TNNT1: variants seen among roughly 807,000 people sequenced by gnomAD.
TNNT1 encodes troponin T, slow skeletal muscle.
TNNT1 carries 53 observed loss-of-function variants against 50.6 expected under a neutral mutation model. The ratio of observed to expected loss-of-function variants is 1.05; its 90% CI spans 0.84 to 1.32. TNNT1 has a LOEUF of 1.32. TNNT1 is among the 40% of genes most tolerant of loss of function. TNNT1 has a pLI of 0.00. For synonymous variants in TNNT1, 142 were observed against 138.0 expected, an observed-to-expected ratio of 1.03 and a Z score of -0.20; for missense variants, 348 against 381.7, an observed-to-expected ratio of 0.91 and a Z score of 0.74.
rs375401299 is a variant in TNNT1 at position 55,145,804 on chromosome 19, G to A, written c.107-239C>T. 4.6e-5 allele frequency among the ~76,000 whole-genome samples: 7 copies of A among 151,718 alleles called. No individual in the cohort carries two copies. In the East Asian group the frequency reaches 1.4e-3, roughly 30 times the overall value. On this transcript the variant is annotated intron_variant, in intron 5 of 13. Coordinates refer to ENST00000588981, the MANE Select transcript of TNNT1 (RefSeq NM_003283.6). ...TCAGATATACATTCAGAACTGGTGT[G>A]GGGACCCCCCACCCCCACTGTCTGC...
chr19:55,138,089 G>A lies in TNNT1; in HGVS notation c.388-15C>T. 1.2e-6 allele frequency: 2 copies of A among 1,614,056 alleles called. No individual in the cohort carries two copies. Among genetic ancestry groups the A allele is most frequent in the Non-Finnish European group, 1.7e-6 (2 of 1,180,000 alleles). On this transcript the variant is annotated splice_polypyrimidine_tract_variant and intron_variant, in intron 9 of 13. Transcript: ENST00000588981. ...ATCTTCTCCTCCTGTGGGAAGTAAGGGGTTAACCTCATGGACTCCCCTGTA... is the reference window on the plus strand; with the variant it reads ...ATCTTCTCCTCCTGTGGGAAGTAAGAGGTTAACCTCATGGACTCCCCTGTA...
At position 55,141,295 on chromosome 19, in the gene TNNT1, T is replaced by G. The variant is rs1555858107; in HGVS notation, c.200A>C (p.His67Pro). Residue 67 changes from histidine (H) to proline (P), a missense_variant, in exon 8 of 14, where the codon CAC becomes CCC. By Grantham distance (77) the His-to-Pro change is moderately conservative. Around this residue, in one of 3 missense-constraint regions of TNNT1, gnomAD observed 253 missense variants for 291.8 expected, o/e 0.87. Coordinates refer to ENST00000588981, the MANE Select transcript of TNNT1 (RefSeq NM_003283.6). ...EGERVDFDDI[H>P]RKRMEKDLLE... ...CAGGTCTTTCTCCATGCGCTTGCGGTGGATGTCCTGCAGGACACACGGGCA... is the reference window on the plus strand; with the variant it reads ...CAGGTCTTTCTCCATGCGCTTGCGGGGGATGTCCTGCAGGACACACGGGCA... The G allele has an allele frequency of 6.2e-7, 1 of 1,614,000 alleles. No homozygotes were observed. Among genetic ancestry groups the G allele is most frequent in the Middle Eastern group, 1.6e-4 (1 of 6,062 alleles).
chr19:55,139,001 CT>C (rs1205319746), intron 9 of TNNT1, among the ~76,000 whole-genome samples: 1 of 152,064 alleles, frequency 6.6e-6, no homozygotes, highest in Non-Finnish European at 1.5e-5. Context: ...AATTAGTTTC[CT>C]TTCTGTTTTT....
In TNNT1 at chr19:55,132,810, A is replaced by G; in HGVS notation, c.*105T>C. The G allele has an allele frequency of 1.9e-6, 2 of 1,073,674 alleles. No homozygotes were observed. The highest frequency in any genetic ancestry group is 2.8e-6 in the Non-Finnish European group (2 of 711,982). 66.5% of individuals were successfully genotyped at this position (1,073,674 alleles called of 1,614,324 possible). On this transcript the variant is annotated 3_prime_UTR_variant, in exon 14 of 14. Transcript: ENST00000588981. ...AGACCAGCTGCATCTCAACCATAAT[A>G]ACATCAGAGAACCCAGCGGGTGTCT... is the stretch of plus-strand genomic sequence containing the variant.
chr19:55,143,180 A>AG (rs2147260122), intron 6 of TNNT1, among the ~76,000 whole-genome samples: 1 of 151,266 alleles, frequency 6.6e-6, no homozygotes. Flanking sequence ...AAAAAAAAAA[A>AG]AAAGAGATGG....
At position 55,140,897 on chromosome 19, in the gene TNNT1, G is replaced by T. The variant is rs1025491065; in HGVS notation, c.373C>A (p.Gln125Lys). The T allele has an allele frequency of 6.2e-7, 1 of 1,613,724 alleles. No individual in the cohort carries two copies. The highest frequency in any genetic ancestry group is 1.7e-5 in the Admixed American group (1 of 60,014). The change falls in exon 9 of 14, where the codon CAG becomes AAG. Residue 125 changes from glutamine (Q) to lysine (K), a missense_variant. Physicochemically the swap from Gln to Lys is moderately conservative, Grantham distance 53. This residue lies in a region of TNNT1 where 253 missense variants were observed against 291.8 expected (regional missense o/e 0.87). Coordinates refer to ENST00000588981, the MANE Select transcript of TNNT1 (RefSeq NM_003283.6). ...RFRTEKERERQAKLAEEKMRK... is the reference protein window; with the variant it reads ...RFRTEKERERKAKLAEEKMRK... ...GAGGCACCCACCGCCAGCTTAGCCT[G>T]ACGTTCGCGTTCCTTCTCAGTTCTG...
chr19:55,147,558 TGGGGGCC>T (rs2085593592), intron 1 of TNNT1, among the ~76,000 whole-genome samples: 10 of 7,296 alleles, frequency 1.4e-3, no homozygotes, highest in African/African-American at 2.2e-3. Flanking sequence ...GAGGAGGGGC[TGGGGGCC>T]GGATTCCTGG....
At chr19:55,133,239 G>A (rs936881751) in intron 13 of TNNT1, among the ~76,000 whole-genome samples, 3 of 152,044 alleles carry the variant, frequency 2.0e-5, no homozygotes, top group Admixed American at 6.6e-5. Flanking sequence ...GGCCAGGGTG[G>A]GGGGAGGAAG....
rs1381579781 is a variant in TNNT1 at position 55,133,928 on chromosome 19, C to A, written c.751-1G>T. ...TGATGCGGTTGTACAGCACGTTGAT[C>A]TGCGGAGGCAGAAGACAGATGCTGG... On this transcript the variant is annotated splice_acceptor_variant, in intron 12 of 13. Coordinates refer to ENST00000588981, the MANE Select transcript of TNNT1 (RefSeq NM_003283.6). LOFTEE classifies it high-confidence loss of function. The A allele has an allele frequency of 6.2e-7, 1 of 1,613,538 alleles. No homozygotes were observed. The highest frequency in any genetic ancestry group is 1.7e-5 in the Admixed American group (1 of 59,994).
intron 2 of TNNT1, 31 bp downstream of exon 2, chr19:55,147,095 A>C (rs777574657): frequency 3.7e-6 from 6 of 1,613,408 alleles, no homozygotes; most frequent in Non-Finnish European, 4.2e-6. Context: ...CCACCACTGC[A>C]CGCCCCAACC....
chr19:55,142,411 G>A (rs575734656), intron 6 of TNNT1, among the ~76,000 whole-genome samples: 7 of 151,958 alleles, frequency 4.6e-5, no homozygotes, highest in Non-Finnish European at 1.0e-4. Context: ...GTGAGCCACC[G>A]CGCCCGGCAC....
chr19:55,137,071 C>T (rs1444725054), intron 11 of TNNT1, 32 bp downstream of exon 11: 4 of 1,149,532 alleles, frequency 3.5e-6, no homozygotes, highest in Non-Finnish European at 5.2e-6. Context: ...CACACCCAGG[C>T]CCCTACACCC....
intron 9 of TNNT1, among the ~76,000 whole-genome samples, chr19:55,140,270 G>C (rs939511278): frequency 6.6e-6 from 1 of 151,904 alleles, no homozygotes; most frequent in African/African-American, 2.4e-5. Flanking sequence ...GACCAGCCTG[G>C]ACAACATGGC....
At chr19:55,143,409 G>T (rs1313919969) in intron 6 of TNNT1, among the ~76,000 whole-genome samples, 5 of 152,114 alleles carry the variant, frequency 3.3e-5, no homozygotes, top group Non-Finnish European at 5.9e-5. Context: ...CACTTCCTTG[G>T]AATTCTCTTT....
At chr19:55,136,815 C>T (rs993389291) in intron 11 of TNNT1, among the ~76,000 whole-genome samples, 6 of 152,148 alleles carry the variant, frequency 3.9e-5, no homozygotes, top group Admixed American at 6.5e-5. Flanking sequence ...AGGCACATCA[C>T]GGAGTTAACA....
intron 5 of TNNT1, among the ~76,000 whole-genome samples, chr19:55,145,975 G>GCCCACCGC (rs138899769): frequency 4.9e-5 from 6 of 123,590 alleles, no homozygotes; most frequent in Non-Finnish European, 8.9e-5. Context: ...CTCGCCCCCT[G>GCCCACCGC]CCCACCGCCC....
In TNNT1 at chr19:55,146,707, T is replaced by A; in HGVS notation, c.47A>T (p.Glu16Val). ...EQEYEEEQPE[E>V]EAAEEEEEAP... ...TTCCTCCTCCTCCTCCGCAGCCTCC[T>A]CTGGAGATGGGGGCACAGAAGAGAA... Residue 16 changes from glutamate (E) to valine (V), a missense_variant and splice_region_variant, in exon 4 of 14, where the codon GAG (glutamate) becomes GTG (valine). Physicochemically the swap from Glu to Val is moderately radical, Grantham distance 121. This residue lies in a region of TNNT1 where 90 missense variants were observed against 70.8 expected (regional missense o/e 1.27). Coordinates refer to ENST00000588981, the MANE Select transcript of TNNT1 (RefSeq NM_003283.6). The A allele has an allele frequency of 6.7e-7, 1 of 1,491,644 alleles. No homozygotes were observed. The highest frequency in any genetic ancestry group is 8.9e-7 in the Non-Finnish European group (1 of 1,117,478). 92.4% of individuals were successfully genotyped at this position (1,491,644 alleles called of 1,614,324 possible). A position where few individuals can be genotyped will look rare whatever the true frequency, so the allele number is the denominator to read the frequency against.
intron 11 of TNNT1, among the ~76,000 whole-genome samples, chr19:55,135,196 TC>T (rs140035930): frequency 0.049 from 7,438 of 152,140 alleles, 531 homozygotes; most frequent in African/African-American, 0.15. Flanking sequence ...GTGGCTCTTC[TC>T]TTGCGTCTTC....
At position 55,137,986 on chromosome 19, in the gene TNNT1, G is replaced by A; in HGVS notation, c.476C>T (p.Ala159Val). 6.2e-7 allele frequency: 1 copy of A among 1,614,170 alleles called. No homozygotes were observed. Among genetic ancestry groups the A allele is most frequent in the Non-Finnish European group, 8.5e-7 (1 of 1,180,022 alleles). The change falls in exon 10 of 14, where the codon GCC (alanine) becomes GTC (valine). Residue 159 changes from alanine (A) to valine (V), a missense_variant. Transcript: ENST00000588981. ...CTTGACCAGGTAGCCGCCAAAATGG[G>A]CCCCCATGTTGGACAGCACCTTCTT... is the stretch of plus-strand genomic sequence containing the variant. ...KKKKVLSNMG[A>V]HFGGYLVKAE...
Sources: gnomAD v4.1 joint callset for allele counts (sites outside exome capture counted in the v4.1 genomes callset) on GRCh38, gnomAD v4.1.1 for gene constraint, gnomAD v4.1.1 regional missense constraint, MANE v1.5 for transcripts, NCBI Gene and HGNC (gene_info 2026-07-23, HGNC 2026-07-21) for gene names.